MBD5: variants seen among roughly 807,000 people sequenced by gnomAD.
The protein encoded by MBD5 is methyl-CpG binding domain protein 5.
A neutral mutation model predicts 117.3 loss-of-function variants in MBD5; 13 were observed. That is an observed-to-expected ratio of 0.11 (90% confidence interval 0.07 to 0.18). MBD5 has a LOEUF of 0.18. MBD5 is among the 10% of genes least tolerant of loss of function. The pLI, the probability that MBD5 is intolerant of heterozygous loss-of-function variation, is 1.00. For synonymous variants in MBD5, 727 were observed against 766.4 expected (o/e 0.95, Z 0.85); for missense variants, 1,879 against 2,093.8 (o/e 0.90, Z 2.00).
chr2:148,481,816 T>A (rs1396755005), intron 8 of MBD5: 1 of 152,142 alleles, frequency 6.6e-6, no homozygotes, highest in Non-Finnish European at 1.5e-5. Flanking sequence ...TTTGTTTTTT[T>A]AATTTCTCCA....
At chr2:148,451,024 T>A (rs1303395484) in intron 4 of MBD5, among the ~76,000 whole-genome samples, 1 of 152,180 alleles carries the variant, frequency 6.6e-6, no homozygotes, top group Non-Finnish European at 1.5e-5. Context: ...ATCATTATGA[T>A]CCCTCATTCT....
At chr2:148,251,185 G>A (rs1472443976) in intron 3 of MBD5, among the ~76,000 whole-genome samples, 1 of 152,152 alleles carries the variant, frequency 6.6e-6, no homozygotes. Context: ...AAGTCTGCCA[G>A]AGCAATTATT....
chr2:148,155,724 T>A (rs965559376), intron 1 of MBD5, among the ~76,000 whole-genome samples: 1 of 152,202 alleles, frequency 6.6e-6, no homozygotes, highest in African/African-American at 2.4e-5. Flanking sequence ...CTGTGCTAGA[T>A]ATTGTGGATA....
intron 4 of MBD5, among the ~76,000 whole-genome samples, chr2:148,427,522 A>T (rs1362617870): frequency 6.6e-6 from 1 of 152,170 alleles, no homozygotes; most frequent in Non-Finnish European, 1.5e-5. Flanking sequence ...CATCATTCTC[A>T]GCAAACTATC....
intron 3 of MBD5, among the ~76,000 whole-genome samples, chr2:148,258,307 G>A (rs1230414968): frequency 2.6e-5 from 4 of 152,104 alleles, no homozygotes; most frequent in Non-Finnish European, 1.5e-5. Flanking sequence ...GTCAAACAAC[G>A]GATGCCAAGG....
intron 1 of MBD5, among the ~76,000 whole-genome samples, chr2:148,066,108 G>A (rs1695182918): frequency 6.6e-6 from 1 of 152,050 alleles, no homozygotes; most frequent in Non-Finnish European, 1.5e-5. Flanking sequence ...ACAAGCCTGG[G>A]CAATATTATA....
intron 3 of MBD5, among the ~76,000 whole-genome samples, chr2:148,238,809 C>G (rs1700146501): frequency 6.6e-6 from 1 of 152,028 alleles, no homozygotes; most frequent in African/African-American, 2.4e-5. Context: ...ATGGCATTCT[C>G]CCTGTGTGTC....
intron 4 of MBD5, among the ~76,000 whole-genome samples, chr2:148,413,176 A>T (rs1705315609): frequency 6.6e-6 from 1 of 152,094 alleles, no homozygotes; most frequent in South Asian, 2.1e-4. Context: ...AACATAAAAG[A>T]TGTTAAATTT....
intron 4 of MBD5, among the ~76,000 whole-genome samples, chr2:148,355,272 G>C (rs10196111): frequency 0.28 from 41,799 of 147,546 alleles, 5,998 homozygotes; most frequent in Admixed American, 0.32. Context: ...AAGCTCTTTA[G>C]TTTAATTAGA....
chr2:148,246,492 T>G (rs1574188790), intron 3 of MBD5, among the ~76,000 whole-genome samples: 1 of 152,134 alleles, frequency 6.6e-6, no homozygotes, highest in Non-Finnish European at 1.5e-5. Context: ...TGCTACTAGC[T>G]GGGCACGGTG....
intron 1 of MBD5, among the ~76,000 whole-genome samples, chr2:148,173,542 G>A (rs978914118): frequency 2.0e-5 from 3 of 152,262 alleles, no homozygotes; most frequent in Admixed American, 6.5e-5. Flanking sequence ...TGAGCCCAGT[G>A]GACCCTAGCA....
In MBD5 at chr2:148,483,171, G is replaced by A; in HGVS notation, c.2580G>A (p.Lys860=). The A allele has an allele frequency of 1.2e-6, 2 of 1,612,690 alleles. No homozygotes were observed. Among genetic ancestry groups the A allele is most frequent in the South Asian group, 2.2e-5 (2 of 91,042 alleles). The change falls in exon 9 of 14, where the codon AAG becomes AAA. Residue 860 remains lysine, a synonymous_variant. Transcript: ENST00000642680. ...IAGTNHPAIT[K]TTSVLQDGVI... is the part of the protein sequence containing the mutation. Reference sequence around the variant, plus strand: ...GCACCAACCACCCTGCCATCACAAAGACAACATCTGTTCTTCAAGATGGCG... The same window carrying A: ...GCACCAACCACCCTGCCATCACAAAAACAACATCTGTTCTTCAAGATGGCG...
chr2:148,294,196 G>GTTTTTTTTTTTTTTTTT (rs60942822), intron 3 of MBD5, among the ~76,000 whole-genome samples: 3 of 127,146 alleles, frequency 2.4e-5, no homozygotes, highest in African/African-American at 8.9e-5. Flanking sequence ...CCAGAATGAA[G>GTTTTTTTTTTTTTTTTT]TTTTTTTTTT....
At chr2:148,223,863 C>T (rs1243537791) in intron 2 of MBD5, among the ~76,000 whole-genome samples, 1 of 151,964 alleles carries the variant, frequency 6.6e-6, no homozygotes, top group African/African-American at 2.4e-5. Flanking sequence ...CACTTATGGC[C>T]GTAAACTTCC....
intron 4 of MBD5, among the ~76,000 whole-genome samples, chr2:148,412,143 G>A (rs1228882909): frequency 6.6e-6 from 1 of 152,038 alleles, no homozygotes; most frequent in African/African-American, 2.4e-5. Flanking sequence ...TCTTGACTTT[G>A]TTGAAGATCA....
intron 2 of MBD5, among the ~76,000 whole-genome samples, chr2:148,206,458 T>C (rs924285463): frequency 4.6e-5 from 7 of 152,222 alleles, no homozygotes; most frequent in Non-Finnish European, 8.8e-5. Flanking sequence ...TGTTTACCAT[T>C]TCTTTGGGTT....
At chr2:148,206,371 G>A (rs1449657696) in intron 2 of MBD5, among the ~76,000 whole-genome samples, 2 of 152,032 alleles carry the variant, frequency 1.3e-5, no homozygotes, top group African/African-American at 2.4e-5. Context: ...CATTTATGGG[G>A]TACATATGAT....
intron 4 of MBD5, among the ~76,000 whole-genome samples, chr2:148,408,814 C>T (rs1017940489): frequency 6.6e-6 from 1 of 151,414 alleles, no homozygotes; most frequent in Non-Finnish European, 1.5e-5. Context: ...ATGTACTGAA[C>T]ATGTATGTAC....
intron 1 of MBD5, among the ~76,000 whole-genome samples, chr2:148,178,092 A>C (rs535037470): frequency 2.7e-4 from 41 of 152,334 alleles, no homozygotes; most frequent in African/African-American, 9.1e-4. Context: ...CAAGTTCTTT[A>C]GGCAAAAAAC....
Sources: allele counts gnomAD v4.1 joint callset (sites outside exome capture counted in the v4.1 genomes callset), GRCh38; gene constraint gnomAD v4.1.1; transcripts MANE v1.5; gene names NCBI Gene and HGNC (gene_info 2026-07-23, HGNC 2026-07-21).